Variants in USP5 observed in about 807,000 individuals in gnomAD.
USP5 encodes the protein ubiquitin specific peptidase 5.
In USP5, 24 loss-of-function variants were observed where a neutral mutation model predicts 102.5. That is an observed-to-expected ratio of 0.23 (90% CI 0.17 to 0.33). USP5 has a LOEUF of 0.33. Ranked by LOEUF, USP5 falls within the 10% of genes least tolerant of loss-of-function variation. USP5 has a pLI of 1.00. For synonymous variants in USP5, 460 were observed against 434.8 expected, an observed-to-expected ratio of 1.06 and a Z score of -0.72; for missense variants, 753 against 1,122.1, an observed-to-expected ratio of 0.67 and a Z score of 4.70.
chr12:6,861,518 C>T lies in USP5; in HGVS notation c.1574C>T (p.Ala525Val), dbSNP rs782779049. ...EKMALPELVRAQVPFSSCLEA... is the reference protein window; with the variant it reads ...EKMALPELVRVQVPFSSCLEA... ...ATGGCACTGCCAGAACTGGTTCGGG[C>T]CCAGGTGCCCTTCAGCTCTTGCCTG... is the stretch of plus-strand genomic sequence containing the variant. Residue 525 changes from alanine to valine, a missense_variant, in exon 13 of 20, where the codon GCC (alanine) becomes GTC (valine). This residue lies in a region of USP5 where 527 missense variants were observed against 816.5 expected (regional missense o/e 0.65). Transcript: ENST00000229268. This position sits in a 1 kb window ranked among gnomAD's most constrained non-coding sequence, Gnocchi z 4.9. The T allele has an allele frequency of 4.4e-6, 7 of 1,601,922 alleles. No homozygotes were observed. The South Asian group carries it at 5.5e-5, about 13-fold the overall frequency.
rs1944074703 is a variant in USP5, at chr12:6,855,279, A to G, written c.112-122A>G. On this transcript the variant is annotated intron_variant, in intron 1 of 19. Transcript: ENST00000229268. The surrounding 1 kb of genome is among the most constrained non-coding windows in gnomAD (Gnocchi z 4.6). ...CTAAATAACTTGCCAAGGGCCACACAGTGTTAGAGAACAGAACATTTCTTC... is the reference window on the plus strand; with the variant it reads ...CTAAATAACTTGCCAAGGGCCACACGGTGTTAGAGAACAGAACATTTCTTC... 1 of 1,330,432 alleles carries G rather than the reference A, an allele frequency of 7.5e-7. No homozygotes were observed. Among genetic ancestry groups the G allele is most frequent in the Non-Finnish European group, 1.0e-6 (1 of 969,232 alleles). The allele number at this position is 1,330,432 out of a possible 1,614,324, so 82.4% of individuals were successfully genotyped here.
At position 6,866,388 on chromosome 12, in the gene USP5, T is replaced by G; in HGVS notation, c.*311T>G. ...TGTCGCCCCGCCCAGCCCCCTGGTG[T>G]GGAGGGAGGGGTCTCGTTTGTGCGC... On this transcript the variant is annotated 3_prime_UTR_variant, in exon 20 of 20. Transcript: ENST00000229268. This position sits in a 1 kb window ranked among gnomAD's most constrained non-coding sequence, Gnocchi z 4.7. 1 of 358,988 alleles carries G rather than the reference T, an allele frequency of 2.8e-6. No homozygotes were observed. The highest frequency in any genetic ancestry group is 5.3e-6 in the Non-Finnish European group (1 of 189,878). The allele number at this position is 358,988 out of a possible 1,614,324, so 22.2% of individuals were successfully genotyped here.
At position 6,866,278 on chromosome 12, in the gene USP5, G is replaced by A. The variant is rs191370929; in HGVS notation, c.*201G>A. On this transcript the variant is annotated 3_prime_UTR_variant, in exon 20 of 20. Transcript: ENST00000229268. The surrounding 1 kb of genome is among the most constrained non-coding windows in gnomAD (Gnocchi z 4.7). ...ATAGACTCTGGGGATGGAGCAGGAC[G>A]GGGACGGGAGGGGCCGGCCACCTGT... 1.0e-3 allele frequency: 591 copies of A among 566,174 alleles called. 4 individuals carry two copies. Among genetic ancestry groups the A allele is most frequent in the Non-Finnish European group, 2.0e-4 (62 of 316,684 alleles). 35.1% of individuals were successfully genotyped at this position (566,174 alleles called of 1,614,324 possible).
intron 9 of USP5, 101 bp downstream of exon 9, chr12:6,859,642 C>T (rs559317731): frequency 5.8e-6 from 7 of 1,214,728 alleles, no homozygotes; most frequent in Non-Finnish European, 8.5e-6. Context: ...AACCCCTGGC[C>T]TTTTTTTGTT....
Position 6,864,862 on chromosome 12 carries a change from G to T in USP5, c.2385G>T (p.Arg795=), listed in dbSNP as rs201103093. The part of the protein sequence containing the change: ...SESVPVGPKV[R]DGPGKYQLFA... ...CTGTGCCAGTGGGACCTAAAGTCCG[G>T]GATGGTCCTGGAAGTGAGTATCCCC... Residue 795 remains arginine (R), a synonymous_variant, in exon 18 of 20, where the codon CGG becomes CGT. Coordinates refer to ENST00000229268, the MANE Select transcript of USP5 (RefSeq NM_001098536.2). This position sits in a 1 kb window ranked among gnomAD's most constrained non-coding sequence, Gnocchi z 4.8. 655 of 1,613,600 alleles carry T rather than the reference G, an allele frequency of 4.1e-4. 5 individuals are homozygous for T. The highest frequency in any genetic ancestry group is 2.0e-5 in the Non-Finnish European group (24 of 1,179,974).
rs1387083418 is a variant in USP5, at chr12:6,855,208, G to A, written c.112-193G>A. 3.9e-5 allele frequency among the ~76,000 whole-genome samples: 6 copies of A among 152,188 alleles called. No individual in the cohort carries two copies. Among genetic ancestry groups the A allele is most frequent in the Admixed American group, 1.3e-4 (2 of 15,276 alleles). ...CCTTGTTGGTTGTTATCAAAGTCAT[G>A]GGAGGAAATGGGGAGAATCTTAGCT... is the stretch of plus-strand genomic sequence containing the variant. On this transcript the variant is annotated intron_variant, in intron 1 of 19. Transcript: ENST00000229268. The surrounding 1 kb of genome is among the most constrained non-coding windows in gnomAD (Gnocchi z 4.6).
chr12:6,859,579 G>A (rs1591607757), intron 9 of USP5, 38 bp downstream of exon 9: 1 of 1,602,438 alleles, frequency 6.2e-7, no homozygotes, highest in African/African-American at 1.3e-5. Context: ...GCTGTTGACA[G>A]TCATGGCCGT....
Position 6,864,319 on chromosome 12 carries a change from CTT to C in USP5, c.2244+127_2244+128del, listed in dbSNP as rs1263402324. Reference sequence around the variant, plus strand: ...GGTCTGGCCGAGGTTGGGCACCACTCTTTTGTGGCTGCGATGAAGGAGCTGAA... The same window carrying C: ...GGTCTGGCCGAGGTTGGGCACCACTCTTGTGGCTGCGATGAAGGAGCTGAA... On this transcript the variant is annotated intron_variant, in intron 17 of 19. Coordinates refer to ENST00000229268, the MANE Select transcript of USP5 (RefSeq NM_001098536.2). This position sits in a 1 kb window ranked among gnomAD's most constrained non-coding sequence, Gnocchi z 4.8. The C allele has an allele frequency of 3.7e-6, 5 of 1,350,510 alleles. No individual in the cohort carries two copies. Among genetic ancestry groups the C allele is most frequent in the African/African-American group, 2.9e-5 (2 of 68,162 alleles). The allele number at this position is 1,350,510 out of a possible 1,614,324, so 83.7% of individuals were successfully genotyped here.
chr12:6,862,671 A>G, intron 14 of USP5, 113 bp downstream of exon 14: 1 of 922,164 alleles, frequency 1.1e-6, no homozygotes, highest in Non-Finnish European at 1.7e-6. Context: ...AAAAAAAATC[A>G]CCTTCAATGT....
intron 1 of USP5, among the ~76,000 whole-genome samples, chr12:6,853,650 T>C (rs1250166741): frequency 6.6e-6 from 1 of 152,254 alleles, no homozygotes; most frequent in Non-Finnish European, 1.5e-5. Context: ...TAGTAACTGC[T>C]TTGAATAATC....
In USP5 at chr12:6,866,074, C is replaced by T; in HGVS notation, c.2574C>T (p.Ser858=). Residue 858 remains serine (S), a synonymous_variant, in exon 20 of 20, where the codon AGC becomes AGT. Transcript: ENST00000229268. This position sits in a 1 kb window ranked among gnomAD's most constrained non-coding sequence, Gnocchi z 4.7. ...GYIYFYQRVA[S] ...TCTACTTCTACCAGAGAGTGGCCAG[C>T]TAAGAGCCTGCCTCACCCCTTACCA... The T allele has an allele frequency of 6.2e-7, 1 of 1,614,058 alleles. No individual in the cohort carries two copies. Among genetic ancestry groups the T allele is most frequent in the Non-Finnish European group, 8.5e-7 (1 of 1,179,976 alleles).
At chr12:6,862,204 C>T (rs1256354837) in intron 13 of USP5, among the ~76,000 whole-genome samples, 2 of 152,052 alleles carry the variant, frequency 1.3e-5, no homozygotes, top group Non-Finnish European at 1.5e-5. Context: ...CCTTGGCCTC[C>T]CAAAGTGCTG....
Position 6,864,007 on chromosome 12 carries a change from C to A in USP5, c.2098+34C>A, listed in dbSNP as rs782336796. On this transcript the variant is annotated intron_variant, in intron 16 of 19. Coordinates refer to ENST00000229268, the MANE Select transcript of USP5 (RefSeq NM_001098536.2). The surrounding 1 kb of genome is among the most constrained non-coding windows in gnomAD (Gnocchi z 4.8). ...GGGTGGGGAGCAGGGTGGGGCAGGG[C>A]CTCCATCCTCCCCCAAACACATCAA... 4 of 1,579,448 alleles carry A rather than the reference C, an allele frequency of 2.5e-6. No individual in the cohort carries two copies. The highest frequency in any genetic ancestry group is 4.5e-5 in the East Asian group (2 of 44,252).
intron 19 of USP5, 125 bp downstream of exon 19, chr12:6,865,373 A>C (rs1165347767): frequency 7.3e-6 from 6 of 827,104 alleles, no homozygotes; most frequent in Non-Finnish European, 1.1e-5. Context: ...ATAAAGTGCC[A>C]GAGAGTGACA....
chr12:6,854,801 CT>C (rs1297226908), intron 1 of USP5, among the ~76,000 whole-genome samples: 4 of 151,610 alleles, frequency 2.6e-5, no homozygotes, highest in Non-Finnish European at 5.9e-5. Flanking sequence ...ATTTTGCTTG[CT>C]GGCACACTCG....
At chr12:6,865,298 G>A in intron 19 of USP5, 50 bp downstream of exon 19, 1 of 1,546,618 alleles carries the variant, frequency 6.5e-7, no homozygotes, top group Non-Finnish European at 8.9e-7. Context: ...GTGGGAATGA[G>A]GAGGGCCATT....
In USP5 at chr12:6,861,459, CGAG is replaced by C. The variant is rs782446226; in HGVS notation, c.1519_1521del (p.Glu507del). ...TGTCACCAGAGGAGCTTCTGGAGTACGAGGAGAAGAAGCGGCAAGCCGAAGAGG... is the reference window on the plus strand; with the variant it reads ...TGTCACCAGAGGAGCTTCTGGAGTACGAGAAGAAGCGGCAAGCCGAAGAGG... On this transcript the variant is annotated inframe_deletion, in exon 13 of 20. Coordinates refer to ENST00000229268, the MANE Select transcript of USP5 (RefSeq NM_001098536.2). This position sits in a 1 kb window ranked among gnomAD's most constrained non-coding sequence, Gnocchi z 4.9. 1 of 1,577,398 alleles carries C rather than the reference CGAG, an allele frequency of 6.3e-7. No individual in the cohort carries two copies. The highest frequency in any genetic ancestry group is 8.7e-7 in the Non-Finnish European group (1 of 1,154,918).
chr12:6,862,708 CT>C (rs1206579569), intron 14 of USP5, 150 bp downstream of exon 14: 1 of 661,458 alleles, frequency 1.5e-6, no homozygotes, highest in Non-Finnish European at 2.5e-6. Context: ...TTTGAAAGCA[CT>C]AACTAAAAAT....
At position 6,856,322 on chromosome 12, in the gene USP5, G is replaced by A; in HGVS notation, c.456G>A (p.Glu152=). 6.2e-7 allele frequency: 1 copy of A among 1,613,498 alleles called. No homozygotes were observed. Residue 152 remains glutamate (E), a synonymous_variant, in exon 5 of 20, where the codon GAG becomes GAA. Transcript: ENST00000229268. This position sits in a 1 kb window ranked among gnomAD's most constrained non-coding sequence, Gnocchi z 5.6. The part of the protein sequence containing the change: ...IVRDRVTSAV[E]ALLSADSASR... The stretch of plus-strand genomic sequence containing the variant: ...TCCCCCAGGTGACCAGTGCAGTGGA[G>A]GCCCTACTGTCGGCCGACTCAGCCT...
Sources: gnomAD v4.1 joint callset for allele counts (sites outside exome capture counted in the v4.1 genomes callset) on GRCh38, gnomAD v4.1.1 for gene constraint, gnomAD v4.1.1 regional missense constraint, Gnocchi (gnomAD v3.1) non-coding constraint, MANE v1.5 for transcripts, NCBI Gene and HGNC (gene_info 2026-07-23, HGNC 2026-07-21) for gene names.